Variants in ATXN1 observed in about 807,000 individuals in gnomAD.
The protein encoded by ATXN1 is ataxin 1.
In ATXN1, 8 loss-of-function variants were observed where a neutral mutation model predicts 56.4. The observed-to-expected ratio is 0.14, with a 90% confidence interval of 0.08 to 0.26. The LOEUF (loss-of-function observed/expected upper bound fraction) is 0.26. Ranked by LOEUF, ATXN1 falls within the 10% of genes least tolerant of loss-of-function variation. The pLI is 1.00. For synonymous variants in ATXN1, 514 were observed against 494.6 expected, an observed-to-expected ratio of 1.04 and a Z score of -0.52; for missense variants, 987 against 1,106.5, an observed-to-expected ratio of 0.89 and a Z score of 1.53.
chr6:16,709,312 C>A (rs1268940472), intron 2 of ATXN1, among the ~76,000 whole-genome samples: 1 of 151,956 alleles, frequency 6.6e-6, no homozygotes, highest in Admixed American at 6.6e-5. Context: ...AATCTCACAA[C>A]TTGGATGAAA....
intron 6 of ATXN1, among the ~76,000 whole-genome samples, chr6:16,465,415 C>CCACT (rs1371949399): frequency 2.0e-5 from 3 of 152,200 alleles, no homozygotes; most frequent in African/African-American, 7.2e-5. Context: ...CAAGATCGTG[C>CCACT]CACTGCACTC....
rs1241946377 is a variant in ATXN1, at chr6:16,301,944, A to AAAAAC, written c.*4380_*4384dup. 2.0e-5 allele frequency: 3 copies of AAAAAC among 152,734 alleles called. No individual in the cohort carries two copies. Among genetic ancestry groups the AAAAAC allele is most frequent in the African/African-American group, 7.2e-5 (3 of 41,462 alleles). 9.5% of individuals were successfully genotyped at this position (152,734 alleles called of 1,614,324 possible). On this transcript the variant is annotated 3_prime_UTR_variant, in exon 8 of 8. Coordinates refer to ENST00000436367, the MANE Select transcript of ATXN1 (RefSeq NM_001128164.2). ...AAGGGTATTGTCAATCGTTTCCTTA[A>AAAAAC]AAAACAAAACAAAACAAAATCCAGA...
At chr6:16,624,029 A>T (rs1466447912) in intron 3 of ATXN1, among the ~76,000 whole-genome samples, 1 of 152,162 alleles carries the variant, frequency 6.6e-6, no homozygotes, top group Non-Finnish European at 1.5e-5. Flanking sequence ...TTGCTATTTA[A>T]TGGGTAGAAT....
chr6:16,305,274 G>GA lies in ATXN1; in HGVS notation c.*1054dup, dbSNP rs372773233. 23,408 of 141,348 alleles carry GA rather than the reference G, an allele frequency of 0.17. 2,354 individuals carry two copies. Among genetic ancestry groups the GA allele is most frequent in the Admixed American group, 0.25 (3,565 of 14,344 alleles). The allele number at this position is 141,348 out of a possible 1,614,324, so 8.8% of individuals were successfully genotyped here. A position where few individuals can be genotyped will look rare whatever the true frequency, so the allele number is the denominator to read the frequency against. On this transcript the variant is annotated 3_prime_UTR_variant, in exon 8 of 8. Transcript: ENST00000436367. ...AATTCCTCATGTCACACTGGAATCTGAAAAAAAAAAAAAGTGGCACCCGAG... is the reference window on the plus strand; with the variant it reads ...AATTCCTCATGTCACACTGGAATCTGAAAAAAAAAAAAAAGTGGCACCCGAG...
chr6:16,708,600 G>C (rs1759456571), intron 2 of ATXN1, among the ~76,000 whole-genome samples: 2 of 152,156 alleles, frequency 1.3e-5, no homozygotes, highest in African/African-American at 4.8e-5. Context: ...TCTAGACAAG[G>C]AGAATTGCCA....
chr6:16,575,197 GA>G (rs1216234077), intron 4 of ATXN1, among the ~76,000 whole-genome samples: 16 of 152,024 alleles, frequency 1.1e-4, no homozygotes, highest in African/African-American at 3.6e-4. Flanking sequence ...TTGGGGTAGG[GA>G]TATTTTAAAA....
intron 2 of ATXN1, among the ~76,000 whole-genome samples, chr6:16,725,912 A>G (rs1412595564): frequency 1.3e-5 from 2 of 152,200 alleles, no homozygotes; most frequent in South Asian, 4.1e-4. Context: ...ACGACTGGTA[A>G]ATATTTGCTA....
At chr6:16,400,792 C>T (rs1561881777) in intron 6 of ATXN1, among the ~76,000 whole-genome samples, 1 of 152,238 alleles carries the variant, frequency 6.6e-6, no homozygotes, top group African/African-American at 2.4e-5. Flanking sequence ...GAAGGAGCTT[C>T]GGGAATTACA....
At position 16,673,737 on chromosome 6, in the gene ATXN1, A is replaced by G. The variant is rs113194976; in HGVS notation, c.-614-15836T>C. ...CGCCATCACAGCTCACTGCAGCCTC[A>G]AACTCCTGAGCTCAGGCGATCCTCC... is the stretch of plus-strand genomic sequence containing the variant. On this transcript the variant is annotated intron_variant, in intron 2 of 7. Transcript: ENST00000436367. Among the ~76,000 whole-genome samples the G allele has an allele frequency of 7.0e-3, 1,070 of 152,136 alleles. 16 individuals are homozygous for G. The highest frequency in any genetic ancestry group is 0.024 in the African/African-American group (1,004 of 41,494).
intron 6 of ATXN1, among the ~76,000 whole-genome samples, chr6:16,447,296 C>T (rs1432435847): frequency 6.6e-6 from 1 of 152,178 alleles, no homozygotes; most frequent in Admixed American, 6.6e-5. Flanking sequence ...ATGATCTCAG[C>T]ATACTGCAAC....
chr6:16,758,008 C>T (rs1294387943), intron 1 of ATXN1, among the ~76,000 whole-genome samples: 1 of 152,088 alleles, frequency 6.6e-6, no homozygotes, highest in East Asian at 1.9e-4. Flanking sequence ...AGCTATAGGC[C>T]TCTATCGTTT....
At chr6:16,668,726 A>T (rs1758480323) in intron 2 of ATXN1, among the ~76,000 whole-genome samples, 1 of 152,154 alleles carries the variant, frequency 6.6e-6, no homozygotes, top group South Asian at 2.1e-4. Context: ...AGCATTTCGT[A>T]TACCTCTGTT....
chr6:16,337,983 C>A (rs1274085514), intron 6 of ATXN1, among the ~76,000 whole-genome samples: 1 of 152,112 alleles, frequency 6.6e-6, no homozygotes, highest in Non-Finnish European at 1.5e-5. Flanking sequence ...TCTCACTACC[C>A]GATGCATGAA....
intron 3 of ATXN1, among the ~76,000 whole-genome samples, chr6:16,642,915 T>C (rs778902389): frequency 7.2e-5 from 11 of 152,086 alleles, no homozygotes; most frequent in Non-Finnish European, 1.5e-4. Context: ...ACCAAAAAAT[T>C]TGTGTGATTT....
chr6:16,569,354 G>A (rs1561759304), intron 4 of ATXN1, among the ~76,000 whole-genome samples: 1 of 151,914 alleles, frequency 6.6e-6, no homozygotes, highest in Admixed American at 6.6e-5. Context: ...CCTCGTCTCT[G>A]CTAAAAATAA....
chr6:16,651,240 T>A (rs866244152), intron 3 of ATXN1, among the ~76,000 whole-genome samples: 48 of 152,076 alleles, frequency 3.2e-4, no homozygotes, highest in Middle Eastern at 3.4e-3. Context: ...GGGTAAACTA[T>A]CATATTAAAG....
intron 5 of ATXN1, among the ~76,000 whole-genome samples, chr6:16,503,179 C>T (rs953483188): frequency 6.6e-5 from 10 of 152,110 alleles, no homozygotes; most frequent in Admixed American, 5.2e-4. Flanking sequence ...TTATCGGTTC[C>T]TCCTACTCCT....
chr6:16,744,823 T>C (rs944880105), intron 2 of ATXN1, among the ~76,000 whole-genome samples: 3 of 152,088 alleles, frequency 2.0e-5, no homozygotes, highest in African/African-American at 4.8e-5. Flanking sequence ...TGGGTACAAG[T>C]AGAAGAAAAG....
chr6:16,713,307 G>A (rs887710691), intron 2 of ATXN1, among the ~76,000 whole-genome samples: 2 of 152,194 alleles, frequency 1.3e-5, no homozygotes, highest in African/African-American at 2.4e-5. Context: ...GGGTTTACAG[G>A]AATAGCTTTC....
Sources: gnomAD v4.1 joint callset for allele counts (sites outside exome capture counted in the v4.1 genomes callset) on GRCh38, gnomAD v4.1.1 for gene constraint, MANE v1.5 for transcripts, NCBI Gene and HGNC (gene_info 2026-07-23, HGNC 2026-07-21) for gene names.